GNAI1: variants seen among roughly 807,000 people sequenced by gnomAD.
The protein encoded by GNAI1 is guanine nucleotide-binding protein G(i) subunit alpha-1.
A neutral mutation model predicts 38.9 loss-of-function variants in GNAI1; 11 were observed. The observed-to-expected ratio is 0.28, with a 90% CI of 0.18 to 0.47. GNAI1 has a LOEUF of 0.47. GNAI1 is among the 20% of genes least tolerant of loss of function. The pLI is 0.99. For synonymous variants in GNAI1, 166 were observed against 145.1 expected (o/e 1.14, Z -1.04); for missense variants, 317 against 436.9 (o/e 0.73, Z 2.45).
chr7:80,155,195 C>G (rs1392621901), intron 1 of GNAI1, among the ~76,000 whole-genome samples: 1 of 152,016 alleles, frequency 6.6e-6, no homozygotes, highest in Non-Finnish European at 1.5e-5. Flanking sequence ...AAGTTTAATA[C>G]TTTTTATAAT....
At chr7:80,210,318 A>C (rs1447563054) in intron 5 of GNAI1, among the ~76,000 whole-genome samples, 1 of 152,122 alleles carries the variant, frequency 6.6e-6, no homozygotes, top group Non-Finnish European at 1.5e-5. Flanking sequence ...TTCATTCTAA[A>C]TTTTAAGGCC....
In GNAI1 at chr7:80,199,087, A is replaced by G. The variant is rs1261380671; in HGVS notation, c.304-138A>G. The G allele has an allele frequency of 3.5e-5, 20 of 574,480 alleles. No homozygotes were observed. The East Asian group carries it at 5.4e-4, about 16-fold the overall frequency. 35.6% of individuals were successfully genotyped at this position (574,480 alleles called of 1,614,324 possible). ...AATTTTTAAGTGGTGGCTTAGAGAA[A>G]GAAAAGTAATGACGTGTTAATAAAA... On this transcript the variant is annotated intron_variant, in intron 3 of 7. Transcript: ENST00000649796.
intron 5 of GNAI1, among the ~76,000 whole-genome samples, chr7:80,209,556 G>C (rs1211006001): frequency 1.3e-5 from 2 of 152,242 alleles, no homozygotes; most frequent in South Asian, 4.2e-4. Flanking sequence ...ATAACACCTA[G>C]ATAAATGTAT....
At chr7:80,167,183 C>T (rs993613889) in intron 1 of GNAI1, among the ~76,000 whole-genome samples, 1 of 152,210 alleles carries the variant, frequency 6.6e-6, no homozygotes, top group African/African-American at 2.4e-5. Flanking sequence ...CCTTTTTCTA[C>T]ATCTCTGACT....
intron 1 of GNAI1, among the ~76,000 whole-genome samples, chr7:80,138,163 T>C (rs1031733120): frequency 8.8e-5 from 12 of 136,848 alleles, no homozygotes; most frequent in Admixed American, 8.0e-4. Context: ...AGGCATAAAA[T>C]CTCTAAAGTA....
intron 1 of GNAI1, among the ~76,000 whole-genome samples, chr7:80,160,263 A>G (rs1787901406): frequency 6.6e-6 from 1 of 151,824 alleles, no homozygotes; most frequent in Non-Finnish European, 1.5e-5. Context: ...AAAACAAAAC[A>G]TTCCATGGAG....
chr7:80,204,201 A>G (rs1366661265), intron 5 of GNAI1, among the ~76,000 whole-genome samples: 8 of 152,152 alleles, frequency 5.3e-5, no homozygotes, highest in Admixed American at 6.5e-5. Context: ...TACTGATAGC[A>G]TAAGTGCTTA....
chr7:80,135,981 G>T lies in GNAI1; in HGVS notation c.118+703G>T. ...TAGTAGGCAAGGCAGATACTCGAGT[G>T]GTGAAAACTGCTGTGAAAGAGCGAG... On this transcript the variant is annotated intron_variant, in intron 1 of 7. Transcript: ENST00000649796. 4 of 985,272 alleles carry T rather than the reference G, an allele frequency of 4.1e-6. No individual in the cohort carries two copies. In the South Asian group the frequency reaches 1.9e-4, roughly 46 times the overall value. 61.0% of individuals were successfully genotyped at this position (985,272 alleles called of 1,614,324 possible).
chr7:80,205,411 G>A (rs1788756415), intron 5 of GNAI1, among the ~76,000 whole-genome samples: 1 of 152,046 alleles, frequency 6.6e-6, no homozygotes, highest in Non-Finnish European at 1.5e-5. Context: ...CTCAGCTGCA[G>A]AGCTTTATAG....
chr7:80,147,112 C>T (rs2523189), intron 1 of GNAI1, among the ~76,000 whole-genome samples: 40,185 of 151,874 alleles, frequency 0.26, 6,504 homozygotes, highest in Admixed American at 0.34. Flanking sequence ...TTTGATGATA[C>T]GATTGTTCAG....
rs905571817 is a variant in GNAI1 at position 80,183,888 on chromosome 7, A to G, written c.119-5063A>G. Among the ~76,000 whole-genome samples the G allele has an allele frequency of 2.6e-5, 4 of 151,824 alleles. No homozygotes were observed. In the East Asian group the frequency reaches 5.8e-4, roughly 22 times the overall value. Reference sequence around the variant, plus strand: ...TCCTCCCACCGTCTTGACTTGATGCATTTCCCTTTCCTGGATCCTACCGGT... The same window carrying G: ...TCCTCCCACCGTCTTGACTTGATGCGTTTCCCTTTCCTGGATCCTACCGGT... On this transcript the variant is annotated intron_variant, in intron 1 of 7. Coordinates refer to ENST00000649796, the MANE Select transcript of GNAI1 (RefSeq NM_002069.6).
chr7:80,167,921 T>C (rs1462034155), intron 1 of GNAI1, among the ~76,000 whole-genome samples: 1 of 152,200 alleles, frequency 6.6e-6, no homozygotes, highest in East Asian at 1.9e-4. Flanking sequence ...TATTATAAAG[T>C]TACGATTTTT....
chr7:80,180,841 T>A (rs1303828514), intron 1 of GNAI1, among the ~76,000 whole-genome samples: 3 of 152,180 alleles, frequency 2.0e-5, no homozygotes, highest in Non-Finnish European at 4.4e-5. Context: ...CTGGGCTTCA[T>A]GTAAAGGTTC....
At chr7:80,206,787 G>A (rs896291014) in intron 5 of GNAI1, among the ~76,000 whole-genome samples, 5 of 151,904 alleles carry the variant, frequency 3.3e-5, no homozygotes, top group African/African-American at 4.8e-5. Flanking sequence ...ATGTTTCTTC[G>A]TAGGCATACA....
chr7:80,221,734 C>T lies in GNAI1; in HGVS notation c.*4241C>T, dbSNP rs930262687. On this transcript the variant is annotated 3_prime_UTR_variant, in exon 8 of 8. Transcript: ENST00000649796. ...CTCCACTCTCTGCAACCTCCAACTC[C>T]ATGGTTCAAGCAATTGTCCTGCCTC... Among the ~76,000 whole-genome samples, 1 of 147,434 alleles carries T rather than the reference C, an allele frequency of 6.8e-6. No homozygotes were observed. Among genetic ancestry groups the T allele is most frequent in the African/African-American group, 2.5e-5 (1 of 39,704 alleles).
At chr7:80,179,829 T>A (rs138039515) in intron 1 of GNAI1, among the ~76,000 whole-genome samples, 1 of 152,170 alleles carries the variant, frequency 6.6e-6, no homozygotes, top group Non-Finnish European at 1.5e-5. Context: ...GGTTATGTTA[T>A]AGTAGAGGAA....
At chr7:80,144,170 G>A (rs997241335) in intron 1 of GNAI1, among the ~76,000 whole-genome samples, 1 of 151,570 alleles carries the variant, frequency 6.6e-6, no homozygotes, top group Non-Finnish European at 1.5e-5. Flanking sequence ...TGTTATAGCA[G>A]TAATTTTCTC....
At chr7:80,167,499 A>G (rs2523194) in intron 1 of GNAI1, among the ~76,000 whole-genome samples, 9,691 of 152,264 alleles carry the variant, frequency 0.064, 391 homozygotes, top group Non-Finnish European at 0.088. Context: ...AATGCCCCCT[A>G]TAATATTCCG....
intron 3 of GNAI1, among the ~76,000 whole-genome samples, chr7:80,196,526 G>A (rs1348366256): frequency 1.3e-5 from 2 of 151,902 alleles, no homozygotes; most frequent in African/African-American, 4.8e-5. Context: ...TAAAATCGTT[G>A]TCATCATTCT....
Sources: gnomAD v4.1 joint callset for allele counts (sites outside exome capture counted in the v4.1 genomes callset) on GRCh38, gnomAD v4.1.1 for gene constraint, MANE v1.5 for transcripts, NCBI Gene and HGNC (gene_info 2026-07-23, HGNC 2026-07-21) for gene names.